Variants in MTMR3 observed in about 807,000 individuals in gnomAD.
MTMR3 encodes the protein phosphatidylinositol-3,5-bisphosphate 3-phosphatase MTMR3.
A neutral mutation model predicts 132.4 loss-of-function variants in MTMR3; 32 were observed. The ratio of observed to expected loss-of-function variants is 0.24; its 90% CI spans 0.18 to 0.32. The LOEUF (loss-of-function observed/expected upper bound fraction) is 0.32. MTMR3 is among the 10% of genes least tolerant of loss of function. MTMR3 has a pLI of 1.00. For synonymous variants in MTMR3, 556 were observed against 550.3 expected, an observed-to-expected ratio of 1.01 and a Z score of -0.14; for missense variants, 1,216 against 1,489.6, an observed-to-expected ratio of 0.82 and a Z score of 3.02.
chr22:29,916,757 G>A (rs912737386), intron 1 of MTMR3, among the ~76,000 whole-genome samples: 2 of 152,196 alleles, frequency 1.3e-5, no homozygotes, highest in Admixed American at 1.3e-4. Context: ...TCTGCGGGCA[G>A]TGTTTTGCAC....
At chr22:30,013,759 A>C (rs1448780339) in intron 14 of MTMR3, 4 of 428,506 alleles carry the variant, frequency 9.3e-6, no homozygotes, top group Non-Finnish European at 1.7e-5. Flanking sequence ...TGTTGTTTTA[A>C]ACTTAGTTTT....
rs201983936 is a variant in MTMR3, at chr22:30,020,373, G to A, written c.2714G>A (p.Gly905Asp). 7 of 1,614,152 alleles carry A rather than the reference G, an allele frequency of 4.3e-6. No individual in the cohort carries two copies. Among genetic ancestry groups the A allele is most frequent in the Non-Finnish European group, 1.7e-6 (2 of 1,180,026 alleles). The change falls in exon 17 of 20, where the codon GGC becomes GAC. Residue 905 changes from glycine (G) to aspartate (D), a missense_variant. Gly to Asp is a moderately conservative substitution (Grantham distance 94). Around this residue, in one of 7 missense-constraint regions of MTMR3, gnomAD observed 852 missense variants for 852.0 expected, o/e 1.00. Transcript: ENST00000401950. ...VGSVVHRTSL[G>D]STLSLTRSPC... ...TCTGTGGTGCATAGGACTTCCCTTG[G>A]CAGCACTCTCAGCCTGACACGTTCC...
intron 1 of MTMR3, among the ~76,000 whole-genome samples, chr22:29,955,332 G>A (rs940846696): frequency 2.6e-5 from 4 of 152,010 alleles, no homozygotes; most frequent in Non-Finnish European, 4.4e-5. Flanking sequence ...CTAATAAAAA[G>A]GAAAAATAAA....
At chr22:30,004,514 T>G (rs972358547) in intron 9 of MTMR3, 1 of 152,198 alleles carries the variant, frequency 6.6e-6, no homozygotes, top group Non-Finnish European at 1.5e-5. Flanking sequence ...CTTCTAAAAT[T>G]AATTCTAGAG....
chr22:30,021,635 A>T (rs2067756238), intron 17 of MTMR3: 1 of 193,548 alleles, frequency 5.2e-6, no homozygotes, highest in Admixed American at 5.6e-5. Flanking sequence ...ATGTTCCCAG[A>T]GAGTCCTTCT....
At chr22:29,974,018 G>A (rs1214349527) in intron 3 of MTMR3, among the ~76,000 whole-genome samples, 6 of 152,152 alleles carry the variant, frequency 3.9e-5, no homozygotes, top group Non-Finnish European at 5.9e-5. Flanking sequence ...TGTGGTGACT[G>A]GCCCTTTTTC....
At chr22:29,899,928 T>C (rs1265693925) in intron 1 of MTMR3, among the ~76,000 whole-genome samples, 2 of 152,310 alleles carry the variant, frequency 1.3e-5, no homozygotes, top group African/African-American at 4.8e-5. Flanking sequence ...TAAAAACTTT[T>C]GCCTCGCAAA....
chr22:29,968,033 G>C (rs993467964), intron 2 of MTMR3, among the ~76,000 whole-genome samples: 10 of 151,960 alleles, frequency 6.6e-5, no homozygotes, highest in Non-Finnish European at 1.0e-4. Context: ...TGGCCATCAT[G>C]AATAATGCTG....
chr22:29,916,496 A>C (rs1044014050), intron 1 of MTMR3, among the ~76,000 whole-genome samples: 1 of 152,140 alleles, frequency 6.6e-6, no homozygotes, highest in Admixed American at 6.5e-5. Context: ...AAACTGCCTC[A>C]AAATACAAAG....
chr22:29,950,565 T>C (rs989213731), intron 1 of MTMR3, among the ~76,000 whole-genome samples: 7 of 152,172 alleles, frequency 4.6e-5, no homozygotes, highest in Non-Finnish European at 5.9e-5. Flanking sequence ...GGTTTCACCA[T>C]GTTAGTCAGG....
intron 2 of MTMR3, among the ~76,000 whole-genome samples, chr22:29,965,178 G>A (rs542828623): frequency 2.0e-5 from 3 of 151,638 alleles, no homozygotes; most frequent in South Asian, 2.1e-4. Flanking sequence ...TGTCTTCTGC[G>A]ATGGTATATA....
intron 1 of MTMR3, among the ~76,000 whole-genome samples, chr22:29,907,123 A>G (rs1453020668): frequency 6.6e-6 from 1 of 151,648 alleles, no homozygotes; most frequent in Non-Finnish European, 1.5e-5. Context: ...AAATTTGGCC[A>G]GGCGTGATGG....
In MTMR3 at chr22:29,949,131, A is replaced by C. The variant is rs866813861; in HGVS notation, c.-137-7905A>C. Among the ~76,000 whole-genome samples the C allele has an allele frequency of 2.9e-3, 90 of 31,550 alleles. 1 individual carries two copies. The highest frequency in any genetic ancestry group is 0.017 in the African/African-American group (87 of 5,032). The allele number at this position is 31,550 out of a possible 152,430, so 20.7% of individuals were successfully genotyped here. A position where few individuals can be genotyped will look rare whatever the true frequency, so the allele number is the denominator to read the frequency against. ...CACACACACACACACACACACACAC[A>C]CACACACACACACCCCCCCCCCCCC... On this transcript the variant is annotated intron_variant, in intron 1 of 19. Transcript: ENST00000401950.
intron 5 of MTMR3, chr22:29,987,021 G>T (rs941984689): frequency 6.6e-6 from 1 of 152,208 alleles, no homozygotes; most frequent in Non-Finnish European, 1.5e-5. Flanking sequence ...CATTACAGGC[G>T]TGAGCCACCG....
rs575177852 is a variant in MTMR3, at chr22:29,967,432, A to G, written c.-84-3544A>G. On this transcript the variant is annotated intron_variant, in intron 2 of 19. Coordinates refer to ENST00000401950, the MANE Select transcript of MTMR3 (RefSeq NM_021090.4). ...TTTTTTCAGTAGAGACAGTCTTGCTATGTTGCCCAGGCTGGCGTTGAACTC... is the reference window on the plus strand; with the variant it reads ...TTTTTTCAGTAGAGACAGTCTTGCTGTGTTGCCCAGGCTGGCGTTGAACTC... 2.4e-4 allele frequency among the ~76,000 whole-genome samples: 36 copies of G among 149,736 alleles called. No homozygotes were observed. The South Asian group carries it at 5.7e-3, about 24-fold the overall frequency.
chr22:29,986,525 G>A (rs2066861579), intron 5 of MTMR3: 11 of 923,070 alleles, frequency 1.2e-5, no homozygotes, highest in Non-Finnish European at 1.4e-5. Context: ...CTTCTTAGAT[G>A]CACAGGTCTC....
chr22:29,998,823 G>T lies in MTMR3; in HGVS notation c.523G>T (p.Ala175Ser). 1.2e-6 allele frequency: 2 copies of T among 1,611,560 alleles called. No homozygotes were observed. The highest frequency in any genetic ancestry group is 1.3e-5 in the African/African-American group (1 of 74,950). The change falls in exon 8 of 20, where the codon GCC (alanine) becomes TCC (serine). Residue 175 changes from alanine to serine, a missense_variant. Ala to Ser is a moderately conservative substitution (Grantham distance 99, BLOSUM62 1). Coordinates refer to ENST00000401950, the MANE Select transcript of MTMR3 (RefSeq NM_021090.4). ...GAGGATGGGTTTTGATATGAACAAC[G>T]CCTGGAGGATTTCCAACATCAATGA... ...VERMGFDMNN[A>S]WRISNINEKY...
At chr22:30,025,216 TTC>T (rs751508027) in intron 19 of MTMR3, 1 of 171,808 alleles carries the variant, frequency 5.8e-6, no homozygotes, top group Admixed American at 5.7e-5. Flanking sequence ...GGGTAGTTGT[TTC>T]TCTCGTTTGA....
chr22:29,913,129 T>G (rs533637594), intron 1 of MTMR3, among the ~76,000 whole-genome samples: 1 of 152,122 alleles, frequency 6.6e-6, no homozygotes, highest in African/African-American at 2.4e-5. Context: ...TCACCTATAG[T>G]CCCAGCTACT....
Sources: allele counts gnomAD v4.1 joint callset (sites outside exome capture counted in the v4.1 genomes callset), GRCh38; gene constraint gnomAD v4.1.1; regional missense constraint gnomAD v4.1.1; transcripts MANE v1.5; gene names NCBI Gene and HGNC (gene_info 2026-07-23, HGNC 2026-07-21).